Variants in PCNX2 observed in about 807,000 individuals in gnomAD.
The protein encoded by PCNX2 is pecanex-like protein 2.
In PCNX2, 168 loss-of-function variants were observed where a neutral mutation model predicts 223.8. The observed-to-expected ratio is 0.75, with a 90% CI of 0.66 to 0.85. The LOEUF (loss-of-function observed/expected upper bound fraction) is 0.85. Ranked by LOEUF, PCNX2 falls within the 40% of genes least tolerant of loss-of-function variation. PCNX2 has a pLI of 0.00. For synonymous variants in PCNX2, 1,006 were observed against 1,052.6 expected, an observed-to-expected ratio of 0.96 and a Z score of 0.86; for missense variants, 2,507 against 2,675.5, an observed-to-expected ratio of 0.94 and a Z score of 1.39.
chr1:233,269,600 T>C (rs951747984), intron 1 of PCNX2, among the ~76,000 whole-genome samples: 1 of 152,182 alleles, frequency 6.6e-6, no homozygotes, highest in African/African-American at 2.4e-5. Context: ...GGCAGGGACA[T>C]TTAAAACTAT....
At chr1:233,291,228 T>A in intron 1 of PCNX2, 1 of 397,002 alleles carries the variant, frequency 2.5e-6, no homozygotes, top group Non-Finnish European at 3.4e-6. Flanking sequence ...GCTAAACCTA[T>A]AAAATGAAAG....
intron 27 of PCNX2, among the ~76,000 whole-genome samples, chr1:233,015,456 T>C (rs1228910858): frequency 6.6e-6 from 1 of 152,126 alleles, no homozygotes; most frequent in Admixed American, 6.5e-5. Context: ...CTGAGCACTT[T>C]GGGAGGCCGA....
chr1:233,020,393 A>AT, intron 26 of PCNX2, among the ~76,000 whole-genome samples: 1 of 152,364 alleles, frequency 6.6e-6, no homozygotes, highest in Non-Finnish European at 1.5e-5. Flanking sequence ...GATGAGGTGG[A>AT]TACAACACTA....
At chr1:233,020,044 C>G (rs1489760465) in intron 26 of PCNX2, among the ~76,000 whole-genome samples, 1 of 152,126 alleles carries the variant, frequency 6.6e-6, no homozygotes, top group Non-Finnish European at 1.5e-5. Flanking sequence ...GAATAACAAA[C>G]AAAGACTGAA....
At chr1:233,005,083 AAAG>A (rs1382358066) in intron 28 of PCNX2, among the ~76,000 whole-genome samples, 40 of 152,358 alleles carry the variant, frequency 2.6e-4, no homozygotes, top group Admixed American at 2.5e-3. Flanking sequence ...CCTGCTCTCA[AAAG>A]AAAACATTTG....
At chr1:233,166,588 G>C (rs1678811644) in intron 17 of PCNX2, among the ~76,000 whole-genome samples, 1 of 152,136 alleles carries the variant, frequency 6.6e-6, no homozygotes, top group South Asian at 2.1e-4. Context: ...ACGCTTCACT[G>C]AAGGAGATAT....
At chr1:233,245,763 A>C (rs1327860557) in intron 8 of PCNX2, among the ~76,000 whole-genome samples, 1 of 152,090 alleles carries the variant, frequency 6.6e-6, no homozygotes, top group Non-Finnish European at 1.5e-5. Context: ...AAATACAAAA[A>C]AATTAGCCCG....
rs1213289616 is a variant in PCNX2, at chr1:233,139,837, C to T, written c.3536G>A (p.Trp1179Ter). The change falls in exon 20 of 34, where the codon TGG becomes TAG. Residue 1179 changes from tryptophan to a stop codon, truncating the protein, a stop_gained. Transcript: ENST00000258229. LOFTEE classifies it high-confidence loss of function. This position sits in a 1 kb window ranked among gnomAD's most constrained non-coding sequence, Gnocchi z 4.4. ...AAGCCAAACATAGAGTCTTTCGAACCACATTAAATGGGCAACATCTGAAAG... is the reference window on the plus strand; with the variant it reads ...AAGCCAAACATAGAGTCTTTCGAACTACATTAAATGGGCAACATCTGAAAG... Reference protein sequence around the residue: ...REVRDVAHLMWFERLYVWLQC... With the variant: ...REVRDVAHLM 3.1e-6 allele frequency: 5 copies of T among 1,612,710 alleles called. No homozygotes were observed. The highest frequency in any genetic ancestry group is 2.7e-5 in the African/African-American group (2 of 74,866).
intron 10 of PCNX2, 125 bp downstream of exon 10, chr1:233,227,101 T>C (rs1211962834): frequency 2.6e-6 from 3 of 1,146,766 alleles, no homozygotes; most frequent in Non-Finnish European, 2.3e-6. Flanking sequence ...CTTTGGGTTG[T>C]CAGCAAAGGA....
intron 25 of PCNX2, chr1:233,031,742 T>A (rs1195468902): frequency 1.0e-6 from 1 of 985,064 alleles, no homozygotes. Context: ...TCCATTTGTC[T>A]TTCTGCCAGA....
intron 14 of PCNX2, 23 bp downstream of exon 14, chr1:233,200,128 GGAA>G: frequency 6.7e-7 from 1 of 1,489,930 alleles, no homozygotes; most frequent in Non-Finnish European, 9.2e-7. Flanking sequence ...TTCCTTTACA[GGAA>G]GAATAGAATG....
chr1:233,159,150 C>T (rs1221003627), intron 19 of PCNX2, among the ~76,000 whole-genome samples: 1 of 152,146 alleles, frequency 6.6e-6, no homozygotes, highest in African/African-American at 2.4e-5. Context: ...GAGTTACCCT[C>T]CCTGCACTTC....
At chr1:233,074,784 A>T (rs911193178) in intron 23 of PCNX2, among the ~76,000 whole-genome samples, 1 of 152,124 alleles carries the variant, frequency 6.6e-6, no homozygotes, top group Admixed American at 6.5e-5. Context: ...CATTTCACTG[A>T]AGAGACTATA....
At chr1:233,061,561 A>T (rs1672405492) in intron 23 of PCNX2, among the ~76,000 whole-genome samples, 1 of 152,134 alleles carries the variant, frequency 6.6e-6, no homozygotes, top group African/African-American at 2.4e-5. Context: ...CAAACAGCTC[A>T]GTTTGGCTGT....
chr1:233,263,733 G>C (rs983134659), intron 1 of PCNX2, among the ~76,000 whole-genome samples: 4 of 152,140 alleles, frequency 2.6e-5, no homozygotes, highest in African/African-American at 9.7e-5. Context: ...TGAGATTAAA[G>C]GTGTGAGCCA....
intron 20 of PCNX2, among the ~76,000 whole-genome samples, chr1:233,138,236 G>GA (rs910602883): frequency 6.6e-6 from 1 of 151,990 alleles, no homozygotes; most frequent in Non-Finnish European, 1.5e-5. Context: ...TTAGTGTCTG[G>GA]AAAAAAATTA....
intron 1 of PCNX2, among the ~76,000 whole-genome samples, chr1:233,288,090 G>A (rs1558428121): frequency 6.6e-6 from 1 of 152,158 alleles, no homozygotes; most frequent in Non-Finnish European, 1.5e-5. Context: ...TCTTGCAGAG[G>A]ACATAGGAAG....
rs145870201 is a variant in PCNX2 at position 233,195,769 on chromosome 1, C to T, written c.3066+3170G>A. ...ATACAAAATACTCCTGACCTGAGAA[C>T]GAAGTAACAAAGACTGTGGTATATG... On this transcript the variant is annotated intron_variant, in intron 15 of 33. Coordinates refer to ENST00000258229, the MANE Select transcript of PCNX2 (RefSeq NM_014801.4). 1.1e-4 allele frequency among the ~76,000 whole-genome samples: 16 copies of T among 152,150 alleles called. No homozygotes were observed. The East Asian group carries it at 1.2e-3, about 11-fold the overall frequency.
rs1553296610 is a variant in PCNX2 at position 233,130,504 on chromosome 1, T to TGA, written c.3837+4507_3837+4508dup. 7.2e-4 allele frequency among the ~76,000 whole-genome samples: 108 copies of TGA among 149,552 alleles called. 1 individual carries two copies. The highest frequency in any genetic ancestry group is 1.0e-3 in the Non-Finnish European group (67 of 67,282). ...GTGTGTGTGTGTGTGTGTGTGTGTG[T>TGA]GATGGAGTCTTGCCTTGTTGCCCAG... On this transcript the variant is annotated intron_variant, in intron 21 of 33. Transcript: ENST00000258229.
Sources: gnomAD v4.1 joint callset for allele counts (sites outside exome capture counted in the v4.1 genomes callset) on GRCh38, gnomAD v4.1.1 for gene constraint, Gnocchi (gnomAD v3.1) non-coding constraint, MANE v1.5 for transcripts, NCBI Gene and HGNC (gene_info 2026-07-23, HGNC 2026-07-21) for gene names.